Variants in THSD4 observed in about 807,000 individuals in gnomAD.
THSD4 encodes thrombospondin type 1 domain containing 4.
A neutral mutation model predicts 119.0 loss-of-function variants in THSD4; 69 were observed. The observed-to-expected ratio is 0.58, with a 90% CI of 0.48 to 0.71. THSD4 has a LOEUF of 0.71. THSD4 is among the 30% of genes least tolerant of loss of function. The pLI is 0.00. For missense variants in THSD4, 1,393 were observed against 1,391.1 expected (o/e 1.00, Z -0.02); for synonymous variants, 524 against 540.4 (o/e 0.97, Z 0.42).
intron 8 of THSD4, among the ~76,000 whole-genome samples, chr15:71,665,313 T>A (rs1334213264): frequency 6.7e-6 from 1 of 148,376 alleles, no homozygotes; most frequent in Non-Finnish European, 1.5e-5. Flanking sequence ...GTATGTCTTC[T>A]GTTCATGTCT....
chr15:71,720,249 C>G (rs2052697668), intron 8 of THSD4, among the ~76,000 whole-genome samples: 1 of 151,684 alleles, frequency 6.6e-6, no homozygotes, highest in African/African-American at 2.4e-5. Flanking sequence ...CAAGGTCTCC[C>G]TATGTTGCCC....
At chr15:71,193,861 C>T (rs547255084) in intron 3 of THSD4, among the ~76,000 whole-genome samples, 4 of 152,300 alleles carry the variant, frequency 2.6e-5, no homozygotes, top group African/African-American at 9.6e-5. Context: ...CAGGCGCCCG[C>T]CGCCACGCCC....
At chr15:71,579,214 T>C (rs1041023515) in intron 7 of THSD4, among the ~76,000 whole-genome samples, 4 of 152,234 alleles carry the variant, frequency 2.6e-5, no homozygotes, top group Admixed American at 1.3e-4. Context: ...AAATTGGATT[T>C]AGGTAAGGCA....
At chr15:71,526,006 C>T (rs923175506) in intron 7 of THSD4, among the ~76,000 whole-genome samples, 2 of 152,150 alleles carry the variant, frequency 1.3e-5, no homozygotes, top group South Asian at 2.1e-4. Flanking sequence ...AAATAAGAAC[C>T]GACCCTATTC....
At chr15:71,372,398 A>G (rs2046066165) in intron 6 of THSD4, among the ~76,000 whole-genome samples, 1 of 151,960 alleles carries the variant, frequency 6.6e-6, no homozygotes, top group Admixed American at 6.5e-5. Flanking sequence ...TTTTTTCCCC[A>G]TCTTTGTGGT....
At chr15:71,475,547 C>T (rs1462570163) in intron 7 of THSD4, among the ~76,000 whole-genome samples, 1 of 152,168 alleles carries the variant, frequency 6.6e-6, no homozygotes, top group Non-Finnish European at 1.5e-5. Flanking sequence ...TGAGAGTCTG[C>T]ATTTTTAACA....
intron 1 of THSD4, among the ~76,000 whole-genome samples, chr15:71,119,663 G>A (rs726226): frequency 6.6e-6 from 1 of 152,198 alleles, no homozygotes; most frequent in African/African-American, 2.4e-5. Context: ...TGGGACCTGA[G>A]CGAGTGCTCA....
intron 7 of THSD4, among the ~76,000 whole-genome samples, chr15:71,492,149 G>A (rs984916953): frequency 9.9e-5 from 15 of 151,790 alleles, no homozygotes; most frequent in Non-Finnish European, 2.1e-4. Flanking sequence ...TACACTTGAT[G>A]TTTTGACATT....
At chr15:71,392,522 A>G (rs926947011) in intron 6 of THSD4, among the ~76,000 whole-genome samples, 1 of 152,208 alleles carries the variant, frequency 6.6e-6, no homozygotes, top group African/African-American at 2.4e-5. Context: ...TTTTACTTGT[A>G]TGCCTTTCAG....
At chr15:71,347,488 A>G (rs2045681174) in intron 6 of THSD4, among the ~76,000 whole-genome samples, 1 of 152,096 alleles carries the variant, frequency 6.6e-6, no homozygotes, top group Admixed American at 6.5e-5. Flanking sequence ...CAAGGTCTCT[A>G]CTTTCTATCT....
At chr15:71,157,062 G>T (rs961953944) in intron 3 of THSD4, among the ~76,000 whole-genome samples, 3 of 152,128 alleles carry the variant, frequency 2.0e-5, no homozygotes, top group African/African-American at 7.2e-5. Context: ...AATTATCAGG[G>T]TTGTTAATCC....
chr15:71,378,364 G>A (rs1428473272), intron 6 of THSD4, among the ~76,000 whole-genome samples: 25 of 152,296 alleles, frequency 1.6e-4, no homozygotes, highest in Non-Finnish European at 4.4e-5. Context: ...AGGGGTGGAG[G>A]CTTTTGTGAG....
intron 6 of THSD4, among the ~76,000 whole-genome samples, chr15:71,403,169 A>G (rs919559614): frequency 6.6e-6 from 1 of 151,996 alleles, no homozygotes; most frequent in Non-Finnish European, 1.5e-5. Flanking sequence ...TTTGGCTTAG[A>G]TATTCTATCT....
At chr15:71,631,661 G>A (rs1337945864) in intron 7 of THSD4, among the ~76,000 whole-genome samples, 2 of 152,208 alleles carry the variant, frequency 1.3e-5, no homozygotes, top group Admixed American at 6.5e-5. Context: ...GAAAGAGGCC[G>A]AAATAGCCCA....
At chr15:71,341,596 C>A (rs756676507) in intron 6 of THSD4, 4 of 1,594,382 alleles carry the variant, frequency 2.5e-6, no homozygotes, top group Non-Finnish European at 3.4e-6. Context: ...TTCGTATATG[C>A]ATACCCTTGA....
chr15:71,635,912 G>T (rs2140953820), intron 7 of THSD4, among the ~76,000 whole-genome samples: 1 of 152,310 alleles, frequency 6.6e-6, no homozygotes, highest in East Asian at 1.9e-4. Context: ...GGCTTGGCAA[G>T]CTTAAGCAAT....
intron 7 of THSD4, among the ~76,000 whole-genome samples, chr15:71,583,267 C>T (rs959024570): frequency 9.9e-5 from 15 of 151,940 alleles, no homozygotes; most frequent in South Asian, 4.2e-4. Flanking sequence ...ATAATCTCTC[C>T]GCTTTCACTT....
At chr15:71,196,598 G>T in intron 3 of THSD4, among the ~76,000 whole-genome samples, 1 of 152,178 alleles carries the variant, frequency 6.6e-6, no homozygotes, top group Non-Finnish European at 1.5e-5. Context: ...ATCATAGGAG[G>T]AGGTGCTCTT....
At chr15:71,508,399 T>C (rs147342064) in intron 7 of THSD4, among the ~76,000 whole-genome samples, 5 of 152,364 alleles carry the variant, frequency 3.3e-5, no homozygotes, top group Admixed American at 6.5e-5. Flanking sequence ...AGAGGACTTC[T>C]TCCCCAGGTT....
Sources: allele counts gnomAD v4.1 joint callset (sites outside exome capture counted in the v4.1 genomes callset), GRCh38; gene constraint gnomAD v4.1.1; transcripts MANE v1.5; gene names NCBI Gene and HGNC (gene_info 2026-07-23, HGNC 2026-07-21).